Variants in LDB3 observed in about 807,000 individuals in gnomAD.
The protein encoded by LDB3 is LIM domain-binding protein 3.
In LDB3, 49 loss-of-function variants were observed where a neutral mutation model predicts 69.0. That is an observed-to-expected ratio of 0.71 (90% confidence interval 0.56 to 0.90). LDB3 has a LOEUF of 0.90. LDB3 is among the 40% of genes least tolerant of loss of function. The pLI is 0.00. For missense variants in LDB3, 928 were observed against 974.1 expected (o/e 0.95, Z 0.63); for synonymous variants, 387 against 396.2 (o/e 0.98, Z 0.28).
chr10:86,704,534 C>T (rs909864978), intron 7 of LDB3, among the ~76,000 whole-genome samples: 5 of 151,478 alleles, frequency 3.3e-5, no homozygotes, highest in African/African-American at 9.7e-5. Flanking sequence ...TTCAGCCCCC[C>T]GAGTAGCTGG....
At chr10:86,726,609 C>T (rs1274936167) in intron 13 of LDB3, among the ~76,000 whole-genome samples, 1 of 152,152 alleles carries the variant, frequency 6.6e-6, no homozygotes, top group Non-Finnish European at 1.5e-5. Flanking sequence ...TTATATGTCA[C>T]TTCAGATATG....
At chr10:86,714,796 A>T (rs986581998) in intron 9 of LDB3, among the ~76,000 whole-genome samples, 1 of 152,094 alleles carries the variant, frequency 6.6e-6, no homozygotes, top group Admixed American at 6.5e-5. Context: ...TGACCTCATG[A>T]TCTGCCCACC....
chr10:86,724,673 A>G (rs1402348666), intron 12 of LDB3, among the ~76,000 whole-genome samples: 2 of 152,106 alleles, frequency 1.3e-5, no homozygotes, highest in African/African-American at 4.8e-5. Context: ...AGGGAATATT[A>G]TCTCTTCACA....
At chr10:86,681,329 G>A (rs545900031) in intron 4 of LDB3, 107 bp from the exon 5 acceptor site, 25 of 1,531,560 alleles carry the variant, frequency 1.6e-5, no homozygotes, top group African/African-American at 5.4e-5. Context: ...TTCAGGCTGC[G>A]GGGCTCGCGC....
chr10:86,700,979 C>T (rs186878559), intron 7 of LDB3, among the ~76,000 whole-genome samples: 226 of 152,376 alleles, frequency 1.5e-3, no homozygotes, highest in African/African-American at 4.9e-3. Flanking sequence ...GCGCCCATTC[C>T]TGCTGCCTGG....
At chr10:86,677,652 T>C (rs1844872685) in intron 2 of LDB3, among the ~76,000 whole-genome samples, 1 of 152,150 alleles carries the variant, frequency 6.6e-6, no homozygotes, top group South Asian at 2.1e-4. Context: ...AGATGGGGCC[T>C]CCAGACTGTA....
intron 13 of LDB3, among the ~76,000 whole-genome samples, chr10:86,728,586 G>GTTTTTTTTTTTGTTTTTT (rs11271876): frequency 7.6e-6 from 1 of 131,456 alleles, no homozygotes; most frequent in Admixed American, 7.8e-5. Context: ...TGGTTCTTTT[G>GTTTTTTTTTTTGTTTTTT]TTTTTTTTTT....
chr10:86,727,392 T>C (rs1251601533), intron 13 of LDB3, among the ~76,000 whole-genome samples: 2 of 152,088 alleles, frequency 1.3e-5, no homozygotes, highest in Admixed American at 1.3e-4. Flanking sequence ...ATTTTGGAAA[T>C]GTATGAAATA....
chr10:86,682,622 T>C (rs1589625767), intron 5 of LDB3, among the ~76,000 whole-genome samples: 1 of 152,270 alleles, frequency 6.6e-6, no homozygotes, highest in East Asian at 1.9e-4. Flanking sequence ...GGCATAGCCC[T>C]CTCCAGGCAG....
At chr10:86,725,733 A>T (rs1435630513) in intron 12 of LDB3, among the ~76,000 whole-genome samples, 4 of 152,208 alleles carry the variant, frequency 2.6e-5, no homozygotes, top group Non-Finnish European at 5.9e-5. Context: ...AGCAAAGAAA[A>T]TTCTATAACT....
chr10:86,732,680 T>C, intron 13 of LDB3: 1 of 544,688 alleles, frequency 1.8e-6, no homozygotes, highest in Non-Finnish European at 3.4e-6. Context: ...ATTTTTGTAT[T>C]TTTAGTAGAG....
chr10:86,681,396 G>A (rs751701959), intron 4 of LDB3, 40 bp from the exon 5 acceptor site: 10 of 1,597,902 alleles, frequency 6.3e-6, no homozygotes, highest in African/African-American at 2.7e-5. Context: ...GCCTCTAACC[G>A]CTCTCTTCTC....
rs1589656770 is a variant in LDB3, at chr10:86,699,621, C to T, written c.897-6910C>T. 14 of 1,361,802 alleles carry T rather than the reference C, an allele frequency of 1.0e-5. No individual in the cohort carries two copies. Among genetic ancestry groups the T allele is most frequent in the South Asian group, 9.0e-5 (6 of 66,328 alleles). 84.4% of individuals were successfully genotyped at this position (1,361,802 alleles called of 1,614,324 possible). The stretch of plus-strand genomic sequence containing the variant: ...AACCCTCGCCACCCCCCAAATAGCC[C>T]GTAGCCCAATCCCCTGCCCTCTGCA... On this transcript the variant is annotated intron_variant, in intron 7 of 13. Transcript: ENST00000361373. The surrounding 1 kb of genome is among the most constrained non-coding windows in gnomAD (Gnocchi z 4.9).
At position 86,668,949 on chromosome 10, in the gene LDB3, C is replaced by A. The variant is rs12259201; in HGVS notation, c.93+165C>A. On this transcript the variant is annotated intron_variant, in intron 2 of 13. Transcript: ENST00000361373. ...CTCTGGTCTCAGCCACAGCTGTTTG[C>A]TCACTGGAGCGCGCCGGCCTGTTAT... Among the ~76,000 whole-genome samples the A allele has an allele frequency of 0.043, 6,599 of 152,282 alleles. 431 individuals are homozygous for A. Among genetic ancestry groups the A allele is most frequent in the African/African-American group, 0.15 (6,159 of 41,520 alleles).
At chr10:86,682,574 T>C (rs1845222129) in intron 5 of LDB3, among the ~76,000 whole-genome samples, 2 of 152,158 alleles carry the variant, frequency 1.3e-5, no homozygotes. Context: ...TTCACGCTTG[T>C]TCTCTCACCC....
At chr10:86,684,089 TC>T (rs1415410179) in intron 5 of LDB3, among the ~76,000 whole-genome samples, 1 of 152,212 alleles carries the variant, frequency 6.6e-6, no homozygotes, top group Non-Finnish European at 1.5e-5. Flanking sequence ...GCACCTCGTA[TC>T]CTCTTGGAAG....
At chr10:86,701,459 G>T (rs7908829) in intron 7 of LDB3, among the ~76,000 whole-genome samples, 23,078 of 152,148 alleles carry the variant, frequency 0.15, 2,476 homozygotes, top group East Asian at 0.53. Flanking sequence ...GCCCTGGGGG[G>T]CCCCAGGCTG....
At position 86,733,293 on chromosome 10, in the gene LDB3, T is replaced by G; in HGVS notation, c.*317T>G. 1 of 365,368 alleles carries G rather than the reference T, an allele frequency of 2.7e-6. No homozygotes were observed. 22.6% of individuals were successfully genotyped at this position (365,368 alleles called of 1,614,324 possible). A position where few individuals can be genotyped will look rare whatever the true frequency, so the allele number is the denominator to read the frequency against. ...AGCAGCTTTCCCAAAGCGATACACT[T>G]GCTTTGGTCACCAGAGGAGGACAGA... On this transcript the variant is annotated 3_prime_UTR_variant, in exon 14 of 14. Transcript: ENST00000361373.
At chr10:86,695,984 G>A (rs775084892) in intron 7 of LDB3, among the ~76,000 whole-genome samples, 31 of 152,162 alleles carry the variant, frequency 2.0e-4, no homozygotes, top group African/African-American at 7.0e-4. Context: ...CTTTCCAAGC[G>A]TTAGGAACAA....
Sources: gnomAD v4.1 joint callset for allele counts (sites outside exome capture counted in the v4.1 genomes callset) on GRCh38, gnomAD v4.1.1 for gene constraint, Gnocchi (gnomAD v3.1) non-coding constraint, MANE v1.5 for transcripts, NCBI Gene and HGNC (gene_info 2026-07-23, HGNC 2026-07-21) for gene names.